Variants in KIAA0825 observed in about 807,000 individuals in gnomAD.
KIAA0825 encodes the protein KIAA0825.
A neutral mutation model predicts 147.6 loss-of-function variants in KIAA0825; 119 were observed. That is an observed-to-expected ratio of 0.81 (90% CI 0.69 to 0.94). The LOEUF is 0.94. Among genes scored for constraint, KIAA0825 ranks in the 40% least tolerant of loss-of-function variants. KIAA0825 has a pLI of 0.00. For synonymous variants in KIAA0825, 470 were observed against 518.1 expected (o/e 0.91, Z 1.26); for missense variants, 1,381 against 1,472.7 (o/e 0.94, Z 1.02).
At chr5:94,459,456 A>G (rs1759542000) in intron 12 of KIAA0825, among the ~76,000 whole-genome samples, 1 of 152,130 alleles carries the variant, frequency 6.6e-6, no homozygotes, top group Non-Finnish European at 1.5e-5. Flanking sequence ...CTGAGGTAGG[A>G]AAAGCAAAGG....
intron 20 of KIAA0825, among the ~76,000 whole-genome samples, chr5:94,335,303 C>G (rs1354468112): frequency 1.3e-5 from 2 of 152,088 alleles, no homozygotes; most frequent in Non-Finnish European, 2.9e-5. Context: ...AATTTTCCTA[C>G]TTTGGAACAT....
intron 20 of KIAA0825, among the ~76,000 whole-genome samples, chr5:94,187,036 A>G (rs1457144275): frequency 6.6e-6 from 1 of 152,218 alleles, no homozygotes; most frequent in African/African-American, 2.4e-5. Flanking sequence ...TCTTGAGCCG[A>G]AGAATAAACT....
At chr5:94,200,787 A>G (rs1053192598) in intron 20 of KIAA0825, among the ~76,000 whole-genome samples, 1 of 151,894 alleles carries the variant, frequency 6.6e-6, no homozygotes, top group Non-Finnish European at 1.5e-5. Context: ...CCATACCAGT[A>G]TAACTATTAT....
At chr5:94,293,797 G>A (rs1297430854) in intron 20 of KIAA0825, among the ~76,000 whole-genome samples, 2 of 152,186 alleles carry the variant, frequency 1.3e-5, no homozygotes, top group Non-Finnish European at 2.9e-5. Context: ...GGGTTCTCAT[G>A]TATTGGGTGC....
At chr5:94,160,824 C>G (rs182084826) in intron 20 of KIAA0825, among the ~76,000 whole-genome samples, 1 of 152,038 alleles carries the variant, frequency 6.6e-6, no homozygotes, top group East Asian at 1.9e-4. Context: ...CAAGAAAAAT[C>G]CTTGTTGTCT....
intron 5 of KIAA0825, among the ~76,000 whole-genome samples, chr5:94,507,892 T>G (rs953145665): frequency 3.9e-5 from 6 of 152,184 alleles, no homozygotes; most frequent in Non-Finnish European, 7.4e-5. Flanking sequence ...AAGAGATGCA[T>G]CCATAAATCC....
intron 3 of KIAA0825, among the ~76,000 whole-genome samples, chr5:94,527,706 C>T (rs1009197221): frequency 2.0e-4 from 30 of 152,056 alleles, no homozygotes; most frequent in African/African-American, 6.7e-4. Context: ...ACTGAAATTT[C>T]GATTCTGTTA....
intron 20 of KIAA0825, among the ~76,000 whole-genome samples, chr5:94,189,609 C>T (rs938834383): frequency 1.3e-5 from 2 of 152,004 alleles, no homozygotes; most frequent in African/African-American, 4.8e-5. Context: ...TTTCTAGACT[C>T]TTTATTAAGA....
At chr5:94,181,437 T>C (rs2149977557) in intron 20 of KIAA0825, among the ~76,000 whole-genome samples, 1 of 152,330 alleles carries the variant, frequency 6.6e-6, no homozygotes, top group Non-Finnish European at 1.5e-5. Context: ...CTTTATTCTT[T>C]ACAAAGAATC....
At chr5:94,462,168 T>C (rs1226076542) in intron 12 of KIAA0825, among the ~76,000 whole-genome samples, 4 of 151,890 alleles carry the variant, frequency 2.6e-5, no homozygotes, top group Non-Finnish European at 4.4e-5. Context: ...GATTGACCAA[T>C]AGAAACATAA....
intron 13 of KIAA0825, among the ~76,000 whole-genome samples, chr5:94,443,206 A>G (rs1044568702): frequency 2.0e-5 from 3 of 152,108 alleles, no homozygotes; most frequent in African/African-American, 7.2e-5. Flanking sequence ...TCAATCACCA[A>G]GCTCTGAGTA....
intron 1 of KIAA0825, among the ~76,000 whole-genome samples, chr5:94,614,743 T>C (rs539768162): frequency 1.3e-5 from 2 of 152,348 alleles, no homozygotes. Flanking sequence ...TCCCATGTTT[T>C]GTGTTCAATG....
intron 20 of KIAA0825, among the ~76,000 whole-genome samples, chr5:94,270,030 A>T (rs1776912919): frequency 6.6e-6 from 1 of 152,148 alleles, no homozygotes; most frequent in Non-Finnish European, 1.5e-5. Context: ...ACATGCCAAT[A>T]AATTGAAAAA....
chr5:94,179,909 TATA>T (rs1258695568), intron 20 of KIAA0825, among the ~76,000 whole-genome samples: 1 of 152,058 alleles, frequency 6.6e-6, no homozygotes, highest in Non-Finnish European at 1.5e-5. Context: ...TTCTTTCTTA[TATA>T]ATAATCACAA....
Position 94,152,126 on chromosome 5 carries a change from A to T in KIAA0825, c.*1881T>A, listed in dbSNP as rs1766547472. ...ACTAAAGTACATTTTTTAAAAATAA[A>T]ATGTGTTATTTGGCAGGCAGCTGTC... On this transcript the variant is annotated 3_prime_UTR_variant, in exon 21 of 21. Coordinates refer to ENST00000682413, the MANE Select transcript of KIAA0825 (RefSeq NM_001145678.3). Among the ~76,000 whole-genome samples the T allele has an allele frequency of 6.6e-6, 1 of 152,224 alleles. No homozygotes were observed. Among genetic ancestry groups the T allele is most frequent in the African/African-American group, 2.4e-5 (1 of 41,460 alleles).
chr5:94,301,904 G>A (rs1342588692), intron 20 of KIAA0825, among the ~76,000 whole-genome samples: 4 of 152,038 alleles, frequency 2.6e-5, no homozygotes, highest in African/African-American at 7.2e-5. Flanking sequence ...AAATGAGCTG[G>A]TCTCCTTTTA....
At chr5:94,182,635 G>A (rs1463967038) in intron 20 of KIAA0825, among the ~76,000 whole-genome samples, 2 of 151,854 alleles carry the variant, frequency 1.3e-5, no homozygotes, top group Non-Finnish European at 2.9e-5. Context: ...CCCTAAGCAA[G>A]TACTGATATT....
At chr5:94,171,632 C>G in intron 20 of KIAA0825, among the ~76,000 whole-genome samples, 1 of 151,840 alleles carries the variant, frequency 6.6e-6, no homozygotes, top group East Asian at 1.9e-4. Flanking sequence ...AACTTTTTTT[C>G]AAAACAAAAT....
chr5:94,268,171 C>G (rs1776817083), intron 20 of KIAA0825, among the ~76,000 whole-genome samples: 1 of 152,042 alleles, frequency 6.6e-6, no homozygotes, highest in African/African-American at 2.4e-5. Context: ...TTCTGAATAT[C>G]AAGTGAGATT....
Sources: allele counts gnomAD v4.1 joint callset (sites outside exome capture counted in the v4.1 genomes callset), GRCh38; gene constraint gnomAD v4.1.1; transcripts MANE v1.5; gene names NCBI Gene and HGNC (gene_info 2026-07-23, HGNC 2026-07-21).